Variants in KPNA7 observed in about 807,000 individuals in gnomAD.
The protein encoded by KPNA7 is karyopherin subunit alpha 7.
A neutral mutation model predicts 53.7 loss-of-function variants in KPNA7; 54 were observed. The ratio of observed to expected loss-of-function variants is 1.01; its 90% CI spans 0.81 to 1.26. KPNA7 has a LOEUF of 1.26. Ranked by LOEUF, KPNA7 falls within the 50% of genes most tolerant of loss-of-function variation. KPNA7 has a pLI of 0.00. For missense variants in KPNA7, 640 were observed against 644.5 expected (o/e 0.99, Z 0.07); for synonymous variants, 276 against 259.3 (o/e 1.06, Z -0.62).
At chr7:99,215,392 A>T (rs1362309243) in intron 1 of KPNA7, among the ~76,000 whole-genome samples, 1 of 150,922 alleles carries the variant, frequency 6.6e-6, no homozygotes, top group Non-Finnish European at 1.5e-5. Flanking sequence ...AAAAAAAAAA[A>T]AAAAGGCATT....
In KPNA7 at chr7:99,188,335, C is replaced by T. The variant is rs191355534; in HGVS notation, c.865G>A (p.Val289Ile). Residue 289 changes from valine (V) to isoleucine (I), a missense_variant, in exon 7 of 11, where the codon GTA becomes ATA. Transcript: ENST00000327442. ...AGTTCTGAGCTGGTCATGAGCACTA[C>T]CAGCCTGGGCAGGACCCCCGTGTTA... ...VVNTGVLPRL[V>I]VLMTSSELNV... 1.9e-5 allele frequency: 30 copies of T among 1,551,456 alleles called. No homozygotes were observed. In the Admixed American group the frequency reaches 4.1e-4, roughly 21 times the overall value.
rs67877761 is a variant in KPNA7, at chr7:99,199,065, G to GAAAAAA, written c.202-2905_202-2900dup. On this transcript the variant is annotated intron_variant, in intron 3 of 10. Coordinates refer to ENST00000327442, the MANE Select transcript of KPNA7 (RefSeq NM_001145715.3). ...ATCCAAGAGTTATATGCTGCAAACT[G>GAAAAAA]AAAAAAAAAAAAAAAAAAAAAAAGG... Among the ~76,000 whole-genome samples, 507 of 60,962 alleles carry GAAAAAA rather than the reference G, an allele frequency of 8.3e-3. 3 individuals are homozygous for GAAAAAA. The highest frequency in any genetic ancestry group is 0.017 in the East Asian group (29 of 1,718). 40.0% of individuals were successfully genotyped at this position (60,962 alleles called of 152,430 possible).
intron 5 of KPNA7, 104 bp downstream of exon 5, chr7:99,194,966 C>T (rs1449386678): frequency 7.5e-7 from 1 of 1,335,468 alleles, no homozygotes; most frequent in Non-Finnish European, 1.0e-6. Flanking sequence ...ATTTACATGG[C>T]AAAGTGTTCT....
At chr7:99,154,684 G>A in the KPNA7 span, among the ~76,000 whole-genome samples, 1,051 of 151,648 alleles carry the variant, frequency 6.9e-3, 19 homozygotes, top group African/African-American at 0.024. Context: ...CACCACGCCC[G>A]GCTAATTTTT....
At chr7:99,167,643 T>TG in the KPNA7 span, among the ~76,000 whole-genome samples, 1 of 71,110 alleles carries the variant, frequency 1.4e-5, no homozygotes. Context: ...TTTTTTTTTT[T>TG]TTTTTTTTTG....
rs1584257099 is a variant in KPNA7, at chr7:99,176,315, AAGAAAG to A, written c.1464+1599_1464+1604del. On this transcript the variant is annotated intron_variant, in intron 10 of 10. Coordinates refer to ENST00000327442, the MANE Select transcript of KPNA7 (RefSeq NM_001145715.3). ...TACGTCTCAAAAAAAAAAAAAAAGA[AAGAAAG>A]AAAGAAAGAAAAGAAAAATTTCTGA... 1.5e-3 allele frequency among the ~76,000 whole-genome samples: 107 copies of A among 70,214 alleles called. 6 individuals are homozygous for A. In the Middle Eastern group the frequency reaches 0.024, roughly 16 times the overall value. 46.1% of individuals were successfully genotyped at this position (70,214 alleles called of 152,430 possible).
chr7:99,185,294 G>T lies in KPNA7; in HGVS notation c.901-132C>A, dbSNP rs927436316. Reference sequence around the variant, plus strand: ...TGGTTGTCTGACAGCCTGTGAACAGGAATTGTATCTGTGATCATTATTCAA... The same window carrying T: ...TGGTTGTCTGACAGCCTGTGAACAGTAATTGTATCTGTGATCATTATTCAA... On this transcript the variant is annotated intron_variant, in intron 7 of 10. Coordinates refer to ENST00000327442, the MANE Select transcript of KPNA7 (RefSeq NM_001145715.3). 9.1e-6 allele frequency: 6 copies of T among 661,768 alleles called. No individual in the cohort carries two copies. The African/African-American group carries it at 1.1e-4, about 12-fold the overall frequency. 41.0% of individuals were successfully genotyped at this position (661,768 alleles called of 1,614,324 possible).
the KPNA7 span, among the ~76,000 whole-genome samples, chr7:99,158,555 G>A: frequency 2.0e-5 from 3 of 152,116 alleles, no homozygotes; most frequent in Non-Finnish European, 4.4e-5. Flanking sequence ...CCAGGCTGGA[G>A]TGCAGTGGCA....
At chr7:99,218,701 C>G (rs1317049272) in intron 1 of KPNA7, among the ~76,000 whole-genome samples, 1 of 152,222 alleles carries the variant, frequency 6.6e-6, no homozygotes, top group Non-Finnish European at 1.5e-5. Context: ...AGACAACAGC[C>G]TAGGCCTTCT....
At chr7:99,156,123 G>A in the KPNA7 span, among the ~76,000 whole-genome samples, 2 of 152,026 alleles carry the variant, frequency 1.3e-5, no homozygotes, top group Non-Finnish European at 2.9e-5. Context: ...CTCTTTTTGG[G>A]AGGTGGGGTA....
At chr7:99,177,167 A>G (rs1798935180) in intron 10 of KPNA7, among the ~76,000 whole-genome samples, 1 of 152,234 alleles carries the variant, frequency 6.6e-6, no homozygotes, top group Non-Finnish European at 1.5e-5. Context: ...GGTCCCTAGA[A>G]TAGTCAAATT....
At chr7:99,194,438 A>G (rs116026092) in intron 5 of KPNA7, among the ~76,000 whole-genome samples, 1,614 of 152,246 alleles carry the variant, frequency 0.011, 35 homozygotes, top group African/African-American at 0.036. Flanking sequence ...GTAAGGGTCT[A>G]TCATAAACTC....
At chr7:99,192,942 G>C (rs1442098992) in intron 6 of KPNA7, 77 bp downstream of exon 6, 2 of 1,016,312 alleles carry the variant, frequency 2.0e-6, no homozygotes, top group African/African-American at 3.3e-5. Context: ...GGGCAGAATG[G>C]TGAGGCTCCA....
chr7:99,186,162 G>A (rs981041943), intron 7 of KPNA7, among the ~76,000 whole-genome samples: 3 of 152,164 alleles, frequency 2.0e-5, no homozygotes, highest in Non-Finnish European at 2.9e-5. Context: ...TATTTAATTG[G>A]AGATAATGAG....
intron 9 of KPNA7, 101 bp from the exon 10 acceptor site, chr7:99,178,167 C>A: frequency 2.1e-6 from 2 of 973,794 alleles, no homozygotes; most frequent in Non-Finnish European, 3.0e-6. Flanking sequence ...GGAAGCAGAC[C>A]AAAGGCTACC....
chr7:99,202,457 G>A (rs914652968), intron 3 of KPNA7, among the ~76,000 whole-genome samples: 12 of 152,274 alleles, frequency 7.9e-5, no homozygotes, highest in African/African-American at 2.2e-4. Context: ...CACCCATCCA[G>A]GGACTAGATG....
At chr7:99,182,146 G>C in intron 8 of KPNA7, 81 bp from the exon 9 acceptor site, 1 of 1,124,228 alleles carries the variant, frequency 8.9e-7, no homozygotes, top group Non-Finnish European at 1.2e-6. Context: ...ACTTTCTAGG[G>C]AGGCTGGTGA....
intron 9 of KPNA7, among the ~76,000 whole-genome samples, 200 bp downstream of exon 9, chr7:99,181,683 G>A (rs1563069921): frequency 6.6e-6 from 1 of 152,086 alleles, no homozygotes; most frequent in African/African-American, 2.4e-5. Flanking sequence ...CAAGTAGCTG[G>A]GATACAGGCA....
intron 3 of KPNA7, among the ~76,000 whole-genome samples, chr7:99,201,080 CAT>C (rs768375601): frequency 1.3e-5 from 2 of 152,136 alleles, no homozygotes; most frequent in Non-Finnish European, 2.9e-5. Context: ...ACTTTGAAAA[CAT>C]AAAAGCTCAA....
Sources: gnomAD v4.1 joint callset for allele counts (sites outside exome capture counted in the v4.1 genomes callset) on GRCh38, gnomAD v4.1.1 for gene constraint, MANE v1.5 for transcripts, NCBI Gene and HGNC (gene_info 2026-07-23, HGNC 2026-07-21) for gene names.